The following NOL4 variants were observed in gnomAD, a reference collection of about 807,000 sequenced individuals.
NOL4 encodes nucleolar protein 4.
NOL4 carries 17 observed loss-of-function variants against 75.9 expected under a neutral mutation model. The observed-to-expected ratio is 0.22, with a 90% CI of 0.15 to 0.34. The LOEUF is 0.34. NOL4 is among the 10% of genes least tolerant of loss of function. The pLI, the probability that NOL4 is intolerant of heterozygous loss-of-function variation, is 1.00. For missense variants in NOL4, 614 were observed against 793.5 expected (o/e 0.77, Z 2.72); for synonymous variants, 292 against 289.9 (o/e 1.01, Z -0.07).
chr18:34,029,060 G>C (rs1225948516), intron 5 of NOL4, among the ~76,000 whole-genome samples: 1 of 151,976 alleles, frequency 6.6e-6, no homozygotes, highest in Non-Finnish European at 1.5e-5. Context: ...GCCAAGTAGG[G>C]AGACACGTAG....
intron 9 of NOL4, among the ~76,000 whole-genome samples, chr18:33,893,479 G>T (rs1003676351): frequency 6.6e-6 from 1 of 152,124 alleles, no homozygotes; most frequent in Non-Finnish European, 1.5e-5. Flanking sequence ...ACCTTTGATA[G>T]ACATGTTATT....
At chr18:33,887,093 A>C (rs9783856) in intron 9 of NOL4, among the ~76,000 whole-genome samples, 107,330 of 137,390 alleles carry the variant, frequency 0.78, 42,089 homozygotes, top group African/African-American at 0.85. Context: ...TATATTAGAT[A>C]TAGATATATA....
chr18:34,106,171 A>G (rs2145692676), intron 2 of NOL4, among the ~76,000 whole-genome samples: 1 of 152,206 alleles, frequency 6.6e-6, no homozygotes, highest in South Asian at 2.1e-4. Context: ...ACACTGATGT[A>G]TTTTAAATTA....
chr18:34,154,477 A>T (rs1322537454), intron 1 of NOL4, among the ~76,000 whole-genome samples: 2 of 151,930 alleles, frequency 1.3e-5, no homozygotes, highest in Admixed American at 1.3e-4. Flanking sequence ...TTATGTCATT[A>T]TGTTTGTGGG....
intron 6 of NOL4, among the ~76,000 whole-genome samples, chr18:33,987,144 C>G (rs1182260747): frequency 6.6e-6 from 1 of 151,986 alleles, no homozygotes; most frequent in East Asian, 1.9e-4. Context: ...TGTTAAAACT[C>G]ATAGTACTTT....
chr18:33,921,507 G>T (rs1039909522), intron 9 of NOL4, among the ~76,000 whole-genome samples: 1 of 152,162 alleles, frequency 6.6e-6, no homozygotes, highest in African/African-American at 2.4e-5. Context: ...TAGTTAAGAT[G>T]AGGCAATACT....
At chr18:33,971,968 C>G (rs1339500110) in intron 6 of NOL4, among the ~76,000 whole-genome samples, 1 of 151,936 alleles carries the variant, frequency 6.6e-6, no homozygotes, top group African/African-American at 2.4e-5. Flanking sequence ...AAGTTCAAAA[C>G]CAGCCTGGCC....
chr18:33,904,408 A>G (rs1180582247), intron 9 of NOL4, among the ~76,000 whole-genome samples: 1 of 151,944 alleles, frequency 6.6e-6, no homozygotes, highest in East Asian at 1.9e-4. Flanking sequence ...GCCCCAGAAA[A>G]AAACCTTAAA....
At chr18:34,013,396 C>T (rs370156958) in intron 6 of NOL4, among the ~76,000 whole-genome samples, 17 of 151,972 alleles carry the variant, frequency 1.1e-4, no homozygotes, top group African/African-American at 3.4e-4. Context: ...GTAAAACACA[C>T]GCCAGAATTT....
chr18:33,908,494 G>T (rs2066200648), intron 9 of NOL4, among the ~76,000 whole-genome samples: 1 of 152,120 alleles, frequency 6.6e-6, no homozygotes, highest in Admixed American at 6.5e-5. Context: ...CAATCATATA[G>T]TAAACATAAT....
At position 33,858,038 on chromosome 18, in the gene NOL4, G is replaced by A. The variant is rs1298026011; in HGVS notation, c.1724-5003C>T. Among the ~76,000 whole-genome samples, 5 of 152,022 alleles carry A rather than the reference G, an allele frequency of 3.3e-5. No homozygotes were observed. The East Asian group carries it at 9.7e-4, about 29-fold the overall frequency. ...AATAAGCAACAACAGAGTAGTATTA[G>A]TACCATCTCAACTCAAGAGGCAAGG... On this transcript the variant is annotated intron_variant, in intron 10 of 10. Transcript: ENST00000261592.
At chr18:34,053,232 T>C (rs2076696481) in intron 5 of NOL4, among the ~76,000 whole-genome samples, 2 of 151,954 alleles carry the variant, frequency 1.3e-5, no homozygotes, top group Non-Finnish European at 2.9e-5. Context: ...ACCACCATTC[T>C]ATGGATTTGC....
chr18:34,049,074 G>GCGCA (rs1446441451), intron 5 of NOL4, among the ~76,000 whole-genome samples: 19 of 64,784 alleles, frequency 2.9e-4, no homozygotes, highest in Admixed American at 7.2e-4. Context: ...ACAGGCGCGC[G>GCGCA]CACACACACA....
At chr18:34,045,933 C>T (rs55739215) in intron 5 of NOL4, among the ~76,000 whole-genome samples, 65,571 of 151,954 alleles carry the variant, frequency 0.43, 14,607 homozygotes, top group South Asian at 0.52. Context: ...CATCAACCAT[C>T]AATCACAATG....
chr18:33,919,269 G>C (rs1212301322), intron 9 of NOL4, among the ~76,000 whole-genome samples: 1 of 152,058 alleles, frequency 6.6e-6, no homozygotes, highest in Non-Finnish European at 1.5e-5. Context: ...GAGCTTCTAA[G>C]AACAAGGGAC....
intron 1 of NOL4, among the ~76,000 whole-genome samples, chr18:34,211,655 C>T (rs961584284): frequency 3.9e-5 from 6 of 152,148 alleles, no homozygotes; most frequent in Non-Finnish European, 7.4e-5. Context: ...CTCAACCTTC[C>T]AATTTTCTAA....
intron 2 of NOL4, among the ~76,000 whole-genome samples, chr18:34,109,266 C>T (rs888287275): frequency 6.6e-6 from 1 of 151,766 alleles, no homozygotes; most frequent in Non-Finnish European, 1.5e-5. Flanking sequence ...ATCCCAGCTA[C>T]TTGGGTAGCT....
intron 10 of NOL4, among the ~76,000 whole-genome samples, chr18:33,863,227 C>A (rs1489468633): frequency 6.6e-6 from 1 of 151,712 alleles, no homozygotes; most frequent in Admixed American, 6.6e-5. Flanking sequence ...ACAATGAGAA[C>A]ACATGGACAC....
At chr18:33,963,176 A>T (rs1324495499) in intron 6 of NOL4, among the ~76,000 whole-genome samples, 1 of 152,214 alleles carries the variant, frequency 6.6e-6, no homozygotes, top group East Asian at 1.9e-4. Context: ...ACACAGATTT[A>T]AACACTATAA....
Sources: allele counts gnomAD v4.1 joint callset (sites outside exome capture counted in the v4.1 genomes callset), GRCh38; gene constraint gnomAD v4.1.1; transcripts MANE v1.5; gene names NCBI Gene and HGNC (gene_info 2026-07-23, HGNC 2026-07-21).